B3GNT2: variants seen among roughly 807,000 people sequenced by gnomAD.
B3GNT2 encodes UDP-GlcNAc:betaGal beta-1,3-N-acetylglucosaminyltransferase 2.
In B3GNT2, 12 loss-of-function variants were observed where a neutral mutation model predicts 27.6. The observed-to-expected ratio is 0.44, with a 90% CI of 0.28 to 0.71. The LOEUF (loss-of-function observed/expected upper bound fraction) is 0.71, where lower values mean the gene tolerates loss of function less well. Among genes scored for constraint, B3GNT2 ranks in the 30% least tolerant of loss-of-function variants. The pLI is 0.17. For synonymous variants in B3GNT2, 192 were observed against 189.7 expected (o/e 1.01, Z -0.10); for missense variants, 413 against 488.5 (o/e 0.85, Z 1.46).
intron 1 of B3GNT2, among the ~76,000 whole-genome samples, chr2:62,196,716 C>T (rs1674150144): frequency 6.6e-6 from 1 of 152,202 alleles, no homozygotes; most frequent in African/African-American, 2.4e-5. Context: ...CCTCGCTGCA[C>T]CCCAACTTCC....
chr2:62,204,329 G>T (rs142349558), intron 1 of B3GNT2, among the ~76,000 whole-genome samples: 62 of 152,260 alleles, frequency 4.1e-4, no homozygotes, highest in Middle Eastern at 3.4e-3. Flanking sequence ...TTTTCTTTGA[G>T]AAGCACTTAA....
At chr2:62,203,357 C>T (rs1249614679) in intron 1 of B3GNT2, among the ~76,000 whole-genome samples, 3 of 152,076 alleles carry the variant, frequency 2.0e-5, no homozygotes, top group African/African-American at 7.2e-5. Flanking sequence ...CATTTTTTAG[C>T]ATACGGGATA....
At position 62,211,602 on chromosome 2, in the gene B3GNT2, G is replaced by A. The variant is rs192785511; in HGVS notation, c.-9-10610G>A. ...TGTGGTCAGTTTTCTGTTTTAAGTA[G>A]AGGGGACAGGAAAGAAAACACATTC... On this transcript the variant is annotated intron_variant, in intron 1 of 1. Coordinates refer to ENST00000301998, the MANE Select transcript of B3GNT2 (RefSeq NM_006577.6). Among the ~76,000 whole-genome samples the A allele has an allele frequency of 6.7e-4, 102 of 152,270 alleles. 1 individual carries two copies. Among genetic ancestry groups the A allele is most frequent in the Non-Finnish European group, 9.3e-4 (63 of 68,018 alleles).
chr2:62,219,330 T>C (rs1357560194), intron 1 of B3GNT2, among the ~76,000 whole-genome samples: 1 of 152,262 alleles, frequency 6.6e-6, no homozygotes, highest in Non-Finnish European at 1.5e-5. Context: ...TGCTGTTTTT[T>C]CCTGAGTAGT....
chr2:62,207,853 C>A lies in B3GNT2; in HGVS notation c.-10+11498C>A, dbSNP rs372520531. Among the ~76,000 whole-genome samples the A allele has an allele frequency of 8.5e-5, 13 of 152,166 alleles. No individual in the cohort carries two copies. In the East Asian group the frequency reaches 1.5e-3, roughly 18 times the overall value. ...GGGTCCATGGCCTGGGGTTTGGGGACCCCTGCCATAGATTATTCTTGCCTG... is the reference window on the plus strand; with the variant it reads ...GGGTCCATGGCCTGGGGTTTGGGGAACCCTGCCATAGATTATTCTTGCCTG... On this transcript the variant is annotated intron_variant, in intron 1 of 1. Coordinates refer to ENST00000301998, the MANE Select transcript of B3GNT2 (RefSeq NM_006577.6).
chr2:62,205,868 G>A lies in B3GNT2; in HGVS notation c.-10+9513G>A, dbSNP rs528622272. On this transcript the variant is annotated intron_variant, in intron 1 of 1. Transcript: ENST00000301998. ...GCTCACCTGGAACCATTTCTCCTGG[G>A]AAGCATGGTAGCCAGGAGAGTGGAT... The A allele has an allele frequency of 3.4e-3, 531 of 154,320 alleles. 4 individuals carry two copies. The highest frequency in any genetic ancestry group is 4.4e-3 in the Non-Finnish European group (297 of 68,070). 9.6% of individuals were successfully genotyped at this position (154,320 alleles called of 1,614,324 possible).
At chr2:62,219,950 C>T (rs1197270801) in intron 1 of B3GNT2, among the ~76,000 whole-genome samples, 1 of 152,148 alleles carries the variant, frequency 6.6e-6, no homozygotes, top group Non-Finnish European at 1.5e-5. Context: ...GTCTGAGAAA[C>T]ATTCAGAAGA....
At chr2:62,207,371 GA>G (rs990337087) in intron 1 of B3GNT2, among the ~76,000 whole-genome samples, 1 of 152,114 alleles carries the variant, frequency 6.6e-6, no homozygotes. Flanking sequence ...TTTTTGCAGA[GA>G]CGGGGTTTCA....
chr2:62,200,189 G>C (rs1323895709), intron 1 of B3GNT2, among the ~76,000 whole-genome samples: 1 of 152,094 alleles, frequency 6.6e-6, no homozygotes, highest in African/African-American at 2.4e-5. Context: ...GATGTCTTTT[G>C]AGAGTCATAA....
rs1237613399 is a variant in B3GNT2, at chr2:62,196,289, C to A, written c.-76C>A. The A allele has an allele frequency of 6.6e-6, 1 of 152,114 alleles. No individual in the cohort carries two copies. Among genetic ancestry groups the A allele is most frequent in the Admixed American group, 6.5e-5 (1 of 15,268 alleles). 9.4% of individuals were successfully genotyped at this position (152,114 alleles called of 1,614,324 possible). ...GCTGAGCCGCGCGGAGCGGCCGGGA[C>A]GTGGATGTGGCCGCGATCTCCCGCC... On this transcript the variant is annotated 5_prime_UTR_variant, in exon 1 of 2. Transcript: ENST00000301998.
At chr2:62,211,545 C>T (rs1431048365) in intron 1 of B3GNT2, among the ~76,000 whole-genome samples, 1 of 152,168 alleles carries the variant, frequency 6.6e-6, no homozygotes, top group Non-Finnish European at 1.5e-5. Context: ...TGGAGTTCTT[C>T]GTTTTTTCCC....
intron 1 of B3GNT2, among the ~76,000 whole-genome samples, chr2:62,215,851 T>C (rs1473045381): frequency 6.6e-6 from 1 of 152,186 alleles, no homozygotes; most frequent in African/African-American, 2.4e-5. Context: ...TTCCAGCCCC[T>C]TTCTCTCAGC....
At chr2:62,212,218 G>C (rs957843576) in intron 1 of B3GNT2, among the ~76,000 whole-genome samples, 1 of 152,154 alleles carries the variant, frequency 6.6e-6, no homozygotes, top group African/African-American at 2.4e-5. Context: ...GCATGCGCAT[G>C]CTTTTCCTGC....
In B3GNT2 at chr2:62,222,529, G is replaced by A. The variant is rs72893877; in HGVS notation, c.309G>A (p.Thr103=). Reference sequence around the variant, plus strand: ...ACTGCGAACCTGACCTGAGGGTCACGTCGGTGGTTACGGGTTTTAACAACT... The same window carrying A: ...ACTGCGAACCTGACCTGAGGGTCACATCGGTGGTTACGGGTTTTAACAACT... ...LNYCEPDLRV[T]SVVTGFNNLP... The change falls in exon 2 of 2, where the codon ACG becomes ACA. Residue 103 remains threonine (T), a synonymous_variant. Transcript: ENST00000301998. This position sits in a 1 kb window ranked among gnomAD's most constrained non-coding sequence, Gnocchi z 4.2. 7.6e-4 allele frequency: 1,221 copies of A among 1,614,182 alleles called. 8 individuals are homozygous for A. In the African/African-American group the frequency reaches 0.014, roughly 19 times the overall value.
intron 1 of B3GNT2, among the ~76,000 whole-genome samples, chr2:62,217,825 A>G (rs897198659): frequency 6.6e-6 from 1 of 152,312 alleles, no homozygotes; most frequent in South Asian, 2.1e-4. Flanking sequence ...TTTCAGCATC[A>G]TGTCTACTGT....
chr2:62,216,070 G>T (rs1424527630), intron 1 of B3GNT2, among the ~76,000 whole-genome samples: 1 of 152,168 alleles, frequency 6.6e-6, no homozygotes, highest in Non-Finnish European at 1.5e-5. Context: ...GGGGGAGTCA[G>T]ACCCTGCCTG....
Position 62,222,516 on chromosome 2 carries a change from A to G in B3GNT2, c.296A>G (p.Asp99Gly). 1 of 1,614,086 alleles carries G rather than the reference A, an allele frequency of 6.2e-7. No individual in the cohort carries two copies. The change falls in exon 2 of 2, where the codon GAC becomes GGC. Residue 99 changes from aspartate to glycine, a missense_variant. Physicochemically the swap from Asp to Gly is moderately conservative, Grantham distance 94 (BLOSUM62 -1). Coordinates refer to ENST00000301998, the MANE Select transcript of B3GNT2 (RefSeq NM_006577.6). The surrounding 1 kb of genome is among the most constrained non-coding windows in gnomAD (Gnocchi z 4.2). ...NISHLNYCEPDLRVTSVVTGF... is the reference protein window; with the variant it reads ...NISHLNYCEPGLRVTSVVTGF... ...AGCCATCTGAACTACTGCGAACCTG[A>G]CCTGAGGGTCACGTCGGTGGTTACG...
chr2:62,197,475 T>C (rs1674176656), intron 1 of B3GNT2, among the ~76,000 whole-genome samples: 1 of 152,112 alleles, frequency 6.6e-6, no homozygotes, highest in African/African-American at 2.4e-5. Context: ...GGTGGTTAGT[T>C]TGTAGAGTGG....
intron 1 of B3GNT2, among the ~76,000 whole-genome samples, chr2:62,208,328 A>G (rs546125260): frequency 2.5e-4 from 38 of 151,170 alleles, no homozygotes; most frequent in African/African-American, 9.2e-4. Context: ...ATAACAGTTT[A>G]TATAATGGGA....
Sources: allele counts gnomAD v4.1 joint callset (sites outside exome capture counted in the v4.1 genomes callset), GRCh38; gene constraint gnomAD v4.1.1; non-coding constraint Gnocchi (gnomAD v3.1); transcripts MANE v1.5; gene names NCBI Gene and HGNC (gene_info 2026-07-23, HGNC 2026-07-21).